Variants in PCSK5 observed in about 807,000 individuals in gnomAD.
PCSK5 encodes the protein prohormone convertase 5.
PCSK5 carries 129 observed loss-of-function variants against 233.2 expected under a neutral mutation model. The ratio of observed to expected loss-of-function variants is 0.55; its 90% CI spans 0.48 to 0.64. The LOEUF (loss-of-function observed/expected upper bound fraction) is 0.64. PCSK5 is among the 30% of genes least tolerant of loss of function. The pLI is 0.00. For synonymous variants in PCSK5, 825 were observed against 879.2 expected, an observed-to-expected ratio of 0.94 and a Z score of 1.09; for missense variants, 2,076 against 2,430.1, an observed-to-expected ratio of 0.85 and a Z score of 3.06.
chr9:75,926,003 AG>A (rs1465776934), intron 1 of PCSK5, among the ~76,000 whole-genome samples: 2 of 152,202 alleles, frequency 1.3e-5, no homozygotes, highest in African/African-American at 4.8e-5. Flanking sequence ...TTCGTCAACA[AG>A]AACAATGGTC....
intron 7 of PCSK5, among the ~76,000 whole-genome samples, chr9:76,079,730 C>T (rs941236675): frequency 6.6e-5 from 10 of 152,050 alleles, no homozygotes; most frequent in African/African-American, 2.2e-4. Context: ...GTGGGCATTC[C>T]CTGTCTTGTT....
intron 9 of PCSK5, among the ~76,000 whole-genome samples, chr9:76,124,941 A>T (rs567448070): frequency 3.3e-5 from 5 of 151,674 alleles, no homozygotes; most frequent in African/African-American, 1.2e-4. Context: ...TGCTTGGTTG[A>T]TTCCTTTTCC....
chr9:75,975,134 A>G (rs1450533922), intron 2 of PCSK5, among the ~76,000 whole-genome samples: 1 of 152,116 alleles, frequency 6.6e-6, no homozygotes, highest in African/African-American at 2.4e-5. Flanking sequence ...GGATGAAATG[A>G]AAACTCCTGG....
intron 5 of PCSK5, among the ~76,000 whole-genome samples, chr9:76,049,117 A>C (rs1405897460): frequency 6.6e-6 from 1 of 152,188 alleles, no homozygotes; most frequent in East Asian, 1.9e-4. Flanking sequence ...AAAATAAAGA[A>C]GAAAGAAAAA....
intron 35 of PCSK5, among the ~76,000 whole-genome samples, chr9:76,339,523 A>G (rs539654637): frequency 1.3e-5 from 2 of 152,092 alleles, no homozygotes; most frequent in South Asian, 2.1e-4. Flanking sequence ...TTTACTTACT[A>G]CACTTCAATA....
intron 27 of PCSK5, among the ~76,000 whole-genome samples, chr9:76,301,668 C>A (rs1053565062): frequency 2.6e-5 from 4 of 152,086 alleles, no homozygotes; most frequent in Non-Finnish European, 5.9e-5. Context: ...CACGGTGAAA[C>A]CCCATCTCTA....
At chr9:76,327,327 G>A (rs557096396) in intron 32 of PCSK5, among the ~76,000 whole-genome samples, 14 of 152,036 alleles carry the variant, frequency 9.2e-5, no homozygotes, top group Admixed American at 3.9e-4. Context: ...GGCTGGTCTC[G>A]AACTCCTGGG....
intron 1 of PCSK5, 95 bp from the exon 2 acceptor site, chr9:75,932,283 TG>T: frequency 1.3e-6 from 1 of 752,964 alleles, no homozygotes; most frequent in Non-Finnish European, 2.3e-6. Context: ...TTTTTTGTTT[TG>T]TGTTCCTTTT....
intron 3 of PCSK5, among the ~76,000 whole-genome samples, chr9:76,011,411 T>C (rs546065969): frequency 6.6e-6 from 1 of 152,306 alleles, no homozygotes; most frequent in South Asian, 2.1e-4. Context: ...GTTTGCATCT[T>C]CAAGTGGACA....
chr9:76,166,166 T>G (rs1823078162), intron 12 of PCSK5, among the ~76,000 whole-genome samples: 1 of 152,116 alleles, frequency 6.6e-6, no homozygotes, highest in Non-Finnish European at 1.5e-5. Context: ...TTTTTCCCCA[T>G]CAACTCTTTC....
At chr9:76,114,898 G>A (rs559052229) in intron 9 of PCSK5, among the ~76,000 whole-genome samples, 1 of 152,228 alleles carries the variant, frequency 6.6e-6, no homozygotes, top group South Asian at 2.1e-4. Context: ...AGCAAGGCAA[G>A]TAAACCATTT....
chr9:76,252,260 G>A (rs1447951252), intron 24 of PCSK5, among the ~76,000 whole-genome samples: 1 of 152,084 alleles, frequency 6.6e-6, no homozygotes, highest in Non-Finnish European at 1.5e-5. Context: ...ACAGAAGCGA[G>A]ACTCCGTCTC....
At chr9:75,934,412 C>A (rs1253300284) in intron 2 of PCSK5, among the ~76,000 whole-genome samples, 1 of 152,010 alleles carries the variant, frequency 6.6e-6, no homozygotes, top group Non-Finnish European at 1.5e-5. Flanking sequence ...TTTTTCGAGC[C>A]CCTAGCATAT....
chr9:76,351,467 A>AGAAG (rs1455925792), intron 36 of PCSK5, among the ~76,000 whole-genome samples: 2 of 60,006 alleles, frequency 3.3e-5, no homozygotes, highest in African/African-American at 1.1e-4. Context: ...AAAGAAAGAA[A>AGAAG]GAAAGAAAGA....
At chr9:76,220,031 G>A (rs1825673718) in intron 20 of PCSK5, among the ~76,000 whole-genome samples, 1 of 152,100 alleles carries the variant, frequency 6.6e-6, no homozygotes, top group African/African-American at 2.4e-5. Context: ...GAGACTGAGT[G>A]CACTAGCAAA....
intron 14 of PCSK5, among the ~76,000 whole-genome samples, chr9:76,176,521 T>C (rs903997231): frequency 5.3e-5 from 8 of 152,220 alleles, no homozygotes; most frequent in African/African-American, 1.9e-4. Context: ...CCTTTAAAAG[T>C]CTCATTGGAA....
In PCSK5 at chr9:76,205,977, C is replaced by T. The variant is rs111270892; in HGVS notation, c.2626+16231C>T. 2.5e-3 allele frequency among the ~76,000 whole-genome samples: 385 copies of T among 152,270 alleles called. 2 individuals are homozygous for T. Among genetic ancestry groups the T allele is most frequent in the African/African-American group, 7.5e-3 (310 of 41,562 alleles). ...AGCAATAACCCAGAGTAGCAAGCAG[C>T]CTAAGCCTGGGTTGAGATGGCGACA... On this transcript the variant is annotated intron_variant, in intron 20 of 37. Transcript: ENST00000674117.
chr9:75,961,496 G>A (rs1168642969), intron 2 of PCSK5, among the ~76,000 whole-genome samples: 4 of 152,166 alleles, frequency 2.6e-5, no homozygotes, highest in African/African-American at 9.7e-5. Context: ...TACGTCTGAG[G>A]AACTGGATTT....
At chr9:76,257,205 C>A (rs1258957432) in intron 24 of PCSK5, among the ~76,000 whole-genome samples, 1 of 152,100 alleles carries the variant, frequency 6.6e-6, no homozygotes, top group African/African-American at 2.4e-5. Flanking sequence ...ATTATCTGTC[C>A]TCATCTCACC....
Sources: gnomAD v4.1 joint callset for allele counts (sites outside exome capture counted in the v4.1 genomes callset) on GRCh38, gnomAD v4.1.1 for gene constraint, MANE v1.5 for transcripts, NCBI Gene and HGNC (gene_info 2026-07-23, HGNC 2026-07-21) for gene names.